The following STAG1 variants were observed in gnomAD, a reference collection of about 807,000 sequenced individuals.
STAG1 encodes cohesin subunit SA-1.
In STAG1, 26 loss-of-function variants were observed where a neutral mutation model predicts 170.9. The ratio of observed to expected loss-of-function variants is 0.15; its 90% CI spans 0.11 to 0.21. STAG1 has a LOEUF of 0.21. Ranked by LOEUF, STAG1 falls within the 10% of genes least tolerant of loss-of-function variation. STAG1 has a pLI of 1.00. For missense variants in STAG1, 964 were observed against 1,509.5 expected, an observed-to-expected ratio of 0.64 and a Z score of 5.99; for synonymous variants, 514 against 497.7, an observed-to-expected ratio of 1.03 and a Z score of -0.44.
At chr3:136,613,313 CAAA>C (rs60449608) in intron 3 of STAG1, among the ~76,000 whole-genome samples, 7 of 59,756 alleles carry the variant, frequency 1.2e-4, no homozygotes, top group South Asian at 9.1e-4. Flanking sequence ...GACTCCGTCT[CAAA>C]AAAAAAAAAA....
chr3:136,473,496 G>C, intron 11 of STAG1, 43 bp downstream of exon 11: 1 of 1,436,760 alleles, frequency 7.0e-7, no homozygotes, highest in Non-Finnish European at 9.7e-7. Flanking sequence ...ACTAGCATTT[G>C]TAAAGAGAAA....
intron 6 of STAG1, among the ~76,000 whole-genome samples, chr3:136,528,571 A>G (rs1390825648): frequency 6.8e-6 from 1 of 147,316 alleles, no homozygotes; most frequent in East Asian, 2.1e-4. Flanking sequence ...AGTGAGATAC[A>G]ACAGAATTCT....
chr3:136,363,555 G>GAAAA (rs57329112), intron 25 of STAG1, 88 bp from the exon 26 acceptor site: 4 of 292,278 alleles, frequency 1.4e-5, no homozygotes, highest in East Asian at 4.8e-5. Context: ...CTTTGAAAAT[G>GAAAA]AAAAAAAAAA....
intron 21 of STAG1, among the ~76,000 whole-genome samples, chr3:136,412,884 C>T (rs1202813842): frequency 1.1e-4 from 16 of 145,900 alleles, no homozygotes; most frequent in Non-Finnish European, 2.1e-4. Flanking sequence ...TTTTTTGAGA[C>T]CGAATCTTGT....
At chr3:136,343,801 T>G in intron 30 of STAG1, 31 bp downstream of exon 30, 1 of 1,493,376 alleles carries the variant, frequency 6.7e-7, no homozygotes, top group East Asian at 2.4e-5. Context: ...TTAAAGGCTT[T>G]TTGTGAAAAA....
chr3:136,687,874 C>G (rs182427093), intron 1 of STAG1, among the ~76,000 whole-genome samples: 1 of 151,676 alleles, frequency 6.6e-6, no homozygotes, highest in Admixed American at 6.6e-5. Flanking sequence ...GTAGCTGGGA[C>G]TACCAACGTC....
chr3:136,382,742 A>G (rs1364922400), intron 22 of STAG1, among the ~76,000 whole-genome samples: 2 of 151,980 alleles, frequency 1.3e-5, no homozygotes, highest in African/African-American at 2.4e-5. Flanking sequence ...TTTTTTCCCA[A>G]TGGGGATGGA....
chr3:136,520,322 T>A (rs1934610998), intron 7 of STAG1, among the ~76,000 whole-genome samples: 1 of 152,014 alleles, frequency 6.6e-6, no homozygotes, highest in Non-Finnish European at 1.5e-5. Context: ...AAATGAGAAA[T>A]TAAAATTTAA....
chr3:136,587,357 T>C (rs1937881680), intron 4 of STAG1, among the ~76,000 whole-genome samples: 1 of 152,018 alleles, frequency 6.6e-6, no homozygotes, highest in Non-Finnish European at 1.5e-5. Context: ...CTGGCCATCA[T>C]GGTGAAACCC....
In STAG1 at chr3:136,485,032, G is replaced by A. The variant is rs896576366; in HGVS notation, c.903-7620C>T. Among the ~76,000 whole-genome samples, 4 of 152,278 alleles carry A rather than the reference G, an allele frequency of 2.6e-5. No individual in the cohort carries two copies. In the South Asian group the frequency reaches 6.2e-4, roughly 24 times the overall value. On this transcript the variant is annotated intron_variant, in intron 9 of 33. Coordinates refer to ENST00000383202, the MANE Select transcript of STAG1 (RefSeq NM_005862.3). ...TCAGATGGAAATGCAGAAATCACCC[G>A]TCTTCTGCGTCGCTCACGCTGGGAG...
intron 4 of STAG1, among the ~76,000 whole-genome samples, chr3:136,601,681 C>G (rs796103707): frequency 6.6e-6 from 1 of 151,678 alleles, no homozygotes; most frequent in Non-Finnish European, 1.5e-5. Context: ...AACAAACAAA[C>G]AAAAAATTAG....
At position 136,458,314 on chromosome 3, in the gene STAG1, G is replaced by A. The variant is rs530372293; in HGVS notation, c.1314-6167C>T. Among the ~76,000 whole-genome samples, 9 of 152,072 alleles carry A rather than the reference G, an allele frequency of 5.9e-5. No homozygotes were observed. In the South Asian group the frequency reaches 1.0e-3, roughly 18 times the overall value. ...TGGAATTACAGGCACCTGCCATCAC[G>A]CCTGGCTGATTTTTATATTTTTAGC... On this transcript the variant is annotated intron_variant, in intron 13 of 33. Coordinates refer to ENST00000383202, the MANE Select transcript of STAG1 (RefSeq NM_005862.3).
intron 1 of STAG1, among the ~76,000 whole-genome samples, chr3:136,703,066 CAAAAAAAAA>C (rs1157305676): frequency 2.6e-5 from 2 of 75,734 alleles, no homozygotes; most frequent in African/African-American, 4.6e-5. Context: ...GACTCCATCT[CAAAAAAAAA>C]AAAAAAAAAA....
rs147717239 is a variant in STAG1 at position 136,682,890 on chromosome 3, T to C, written c.-83-51909A>G. On this transcript the variant is annotated intron_variant, in intron 1 of 33. Transcript: ENST00000383202. ...ACCCAAGTGTCTACTAACGGATAAATGGATAAAAATGCAGTATATACATAA... is the reference window on the plus strand; with the variant it reads ...ACCCAAGTGTCTACTAACGGATAAACGGATAAAAATGCAGTATATACATAA... Among the ~76,000 whole-genome samples the C allele has an allele frequency of 3.9e-3, 601 of 152,226 alleles. 2 individuals are homozygous for C. The highest frequency in any genetic ancestry group is 0.031 in the Middle Eastern group (9 of 294).
chr3:136,733,266 T>G (rs1166096368), intron 1 of STAG1, among the ~76,000 whole-genome samples: 10 of 151,738 alleles, frequency 6.6e-5, no homozygotes, highest in Non-Finnish European at 1.3e-4. Flanking sequence ...TGTATTTTTT[T>G]GTAGAGACAG....
rs576558044 is a variant in STAG1 at position 136,449,300 on chromosome 3, C to G, written c.1428+2733G>C. The stretch of plus-strand genomic sequence containing the variant: ...ACAGGGCCAGGCGTGGTGGCTCACG[C>G]CTGTAATCCCAGCACTTTGGAAGGC... On this transcript the variant is annotated intron_variant, in intron 14 of 33. Coordinates refer to ENST00000383202, the MANE Select transcript of STAG1 (RefSeq NM_005862.3). 5.9e-5 allele frequency among the ~76,000 whole-genome samples: 9 copies of G among 152,260 alleles called. No homozygotes were observed. In the East Asian group the frequency reaches 1.7e-3, roughly 29 times the overall value.
intron 1 of STAG1, among the ~76,000 whole-genome samples, chr3:136,689,964 TGGGAGGCAGAGGCTACA>T (rs1469543273): frequency 3.2e-4 from 45 of 142,214 alleles, no homozygotes; most frequent in African/African-American, 8.5e-4. Context: ...CAGTTGAACC[TGGGAGGCAGAGGCTACA>T]GTGAGCCAAG....
chr3:136,478,368 T>C lies in STAG1; in HGVS notation c.903-956A>G, dbSNP rs114630541. 6.5e-3 allele frequency among the ~76,000 whole-genome samples: 990 copies of C among 152,294 alleles called. 7 individuals carry two copies. The highest frequency in any genetic ancestry group is 0.014 in the Middle Eastern group (4 of 294). ...CCCTCCTGGGATGACTTTCCTACTA[T>C]ACAATCTCTGTGAATTGTAAACAAA... On this transcript the variant is annotated intron_variant, in intron 9 of 33. Coordinates refer to ENST00000383202, the MANE Select transcript of STAG1 (RefSeq NM_005862.3).
At chr3:136,696,188 T>G (rs1396317611) in intron 1 of STAG1, among the ~76,000 whole-genome samples, 1 of 152,170 alleles carries the variant, frequency 6.6e-6, no homozygotes, top group Non-Finnish European at 1.5e-5. Flanking sequence ...GTGACAGCAG[T>G]AGGTAAAAGT....
Sources: gnomAD v4.1 joint callset for allele counts (sites outside exome capture counted in the v4.1 genomes callset) on GRCh38, gnomAD v4.1.1 for gene constraint, MANE v1.5 for transcripts, NCBI Gene and HGNC (gene_info 2026-07-23, HGNC 2026-07-21) for gene names.